ZNF766: variants seen among roughly 807,000 people sequenced by gnomAD.
ZNF766 encodes the protein zinc finger protein 766.
Under a neutral mutation model 13.2 loss-of-function variants are expected in ZNF766, and 13 were observed. That is an observed-to-expected ratio of 0.98 (90% CI 0.64 to 1.56). The LOEUF is 1.56. Among genes scored for constraint, ZNF766 ranks in the 40% most tolerant of loss-of-function variants. ZNF766 has a pLI of 0.00. For synonymous variants in ZNF766, 178 were observed against 187.6 expected (o/e 0.95, Z 0.42); for missense variants, 521 against 552.2 (o/e 0.94, Z 0.57).
chr19:52,281,383 G>T, intron 1 of ZNF766: 1 of 260,938 alleles, frequency 3.8e-6, no homozygotes, highest in Non-Finnish European at 7.6e-6. Flanking sequence ...GCCAGGTATG[G>T]TGGTGCGTGC....
chr19:52,286,188 T>TCCCCCCCCCCCCCCCCC (rs71254004), intron 3 of ZNF766, among the ~76,000 whole-genome samples: 1 of 146,562 alleles, frequency 6.8e-6, no homozygotes, highest in African/African-American at 2.7e-5. Flanking sequence ...AGTGGGCTTT[T>TCCCCCCCCCCCCCCCCC]CCCCCCTAAT....
chr19:52,282,888 A>T (rs904938745), intron 2 of ZNF766, among the ~76,000 whole-genome samples: 1 of 152,174 alleles, frequency 6.6e-6, no homozygotes, highest in Non-Finnish European at 1.5e-5. Context: ...TTCCCTACGC[A>T]TTCAGAAGCA....
chr19:52,291,153 T>G lies in ZNF766; in HGVS notation c.1362T>G (p.Phe454Leu). The G allele has an allele frequency of 1.2e-6, 2 of 1,605,932 alleles. No individual in the cohort carries two copies. Among genetic ancestry groups the G allele is most frequent in the East Asian group, 2.2e-5 (1 of 44,832 alleles). Residue 454 changes from phenylalanine (F) to leucine (L), a missense_variant, in exon 4 of 4, where the codon TTT becomes TTG. Transcript: ENST00000439461. ...AGGTCTTTAGGCACAGTTCATGGTT[T>G]GTACAGCATCAGAGAAGTGTTCATG... Reference protein sequence around the residue: ...CGKVFRHSSWFVQHQRSVHER... With the variant: ...CGKVFRHSSWLVQHQRSVHER...
chr19:52,281,929 G>A (rs1168812447), intron 1 of ZNF766, 182 bp from the exon 2 acceptor site: 1 of 709,936 alleles, frequency 1.4e-6, no homozygotes, highest in Admixed American at 2.4e-5. Flanking sequence ...AACTTTTTAT[G>A]GAAAAGTATA....
Position 52,290,503 on chromosome 19 carries a change from A to G in ZNF766, c.712A>G (p.Thr238Ala), listed in dbSNP as rs749818775. Residue 238 changes from threonine to alanine, a missense_variant, in exon 4 of 4, where the codon ACA becomes GCA. Coordinates refer to ENST00000439461, the MANE Select transcript of ZNF766 (RefSeq NM_001010851.3). ...SGLAEHWRIRTGEKPYKCKEC... is the reference protein window; with the variant it reads ...SGLAEHWRIRAGEKPYKCKEC... ...CCTCGCAGAACATTGGAGAATTCGTACAGGAGAGAAACCTTACAAATGTAA... is the reference window on the plus strand; with the variant it reads ...CCTCGCAGAACATTGGAGAATTCGTGCAGGAGAGAAACCTTACAAATGTAA... 1.2e-6 allele frequency: 2 copies of G among 1,614,154 alleles called. No individual in the cohort carries two copies. The highest frequency in any genetic ancestry group is 1.7e-5 in the Admixed American group (1 of 60,036).
At chr19:52,277,512 G>T in intron 1 of ZNF766, 4 of 1,577,340 alleles carry the variant, frequency 2.5e-6, no homozygotes, top group Non-Finnish European at 2.6e-6. Context: ...GAAGAGGAAA[G>T]CAGAGGAGTC....
At chr19:52,275,430 A>G (rs1981146310) in intron 1 of ZNF766, 1 of 152,220 alleles carries the variant, frequency 6.6e-6, no homozygotes, top group Admixed American at 6.5e-5. Context: ...AACAGTTGGA[A>G]TAAGTAAGCT....
Position 52,293,059 on chromosome 19 carries a change from T to C in ZNF766, c.*1861T>C, listed in dbSNP as rs1245871094. 6.6e-6 allele frequency: 1 copy of C among 151,930 alleles called. No individual in the cohort carries two copies. The highest frequency in any genetic ancestry group is 2.4e-5 in the African/African-American group (1 of 41,356). 9.4% of individuals were successfully genotyped at this position (151,930 alleles called of 1,614,324 possible). On this transcript the variant is annotated 3_prime_UTR_variant, in exon 4 of 4. Coordinates refer to ENST00000439461, the MANE Select transcript of ZNF766 (RefSeq NM_001010851.3). ...CAATTCCCACCTATGAGTGAGAACA[T>C]GGGGTGTTTGGTCTTCTGTCACTGT...
intron 1 of ZNF766, among the ~76,000 whole-genome samples, chr19:52,269,897 A>G (rs975052603): frequency 2.8e-4 from 43 of 152,060 alleles, no homozygotes; most frequent in Non-Finnish European, 8.8e-5. Flanking sequence ...GCCCCGCGCC[A>G]CGTAAAGTCC....
chr19:52,282,083 T>G, intron 1 of ZNF766, 28 bp from the exon 2 acceptor site: 2 of 1,587,010 alleles, frequency 1.3e-6, no homozygotes, highest in Non-Finnish European at 8.6e-7. Context: ...CTCCTTACCC[T>G]GTTGGTCAAA....
chr19:52,270,993 T>C (rs1980949890), intron 1 of ZNF766, among the ~76,000 whole-genome samples: 1 of 152,110 alleles, frequency 6.6e-6, no homozygotes, highest in Admixed American at 6.5e-5. Flanking sequence ...CGTGTTGGCC[T>C]GACGGGTCGT....
chr19:52,281,723 T>C (rs1981530299), intron 1 of ZNF766: 1 of 456,540 alleles, frequency 2.2e-6, no homozygotes, highest in Non-Finnish European at 4.5e-6. Flanking sequence ...CTTGATTCTT[T>C]AGGTTTGATT....
At position 52,277,413 on chromosome 19, in the gene ZNF766, C is replaced by G. The variant is rs923132142; in HGVS notation, c.19-4698C>G. The G allele has an allele frequency of 6.3e-5, 91 of 1,435,764 alleles. No homozygotes were observed. The Middle Eastern group carries it at 1.1e-3, about 17-fold the overall frequency. 88.9% of individuals were successfully genotyped at this position (1,435,764 alleles called of 1,614,324 possible). On this transcript the variant is annotated intron_variant, in intron 1 of 3. Coordinates refer to ENST00000439461, the MANE Select transcript of ZNF766 (RefSeq NM_001010851.3). ...GGCGGAGCTTGCAGTGAGCTGAGAT[C>G]GGGCCACGGCACTCCAGCCTGGGTG...
intron 2 of ZNF766, 74 bp downstream of exon 2, chr19:52,282,311 G>A: frequency 1.3e-6 from 2 of 1,496,572 alleles, no homozygotes; most frequent in Admixed American, 2.1e-5. Flanking sequence ...TGCCTCTTGG[G>A]AGCCCCTGCA....
chr19:52,282,007 C>T (rs566163188), intron 1 of ZNF766, 104 bp from the exon 2 acceptor site: 70 of 1,375,202 alleles, frequency 5.1e-5, no homozygotes, highest in African/African-American at 4.2e-4. Context: ...AGAATGTTCA[C>T]GTCAGCACTT....
chr19:52,290,384 T>C lies in ZNF766; in HGVS notation c.593T>C (p.Val198Ala). 1 of 1,613,936 alleles carries C rather than the reference T, an allele frequency of 6.2e-7. No individual in the cohort carries two copies. The highest frequency in any genetic ancestry group is 8.5e-7 in the Non-Finnish European group (1 of 1,180,016). ...AATGAGCAGGGCAAAGTCTTCAGAG[T>C]GTCTTCAAGCCTTCCTAATCATCAA... is the stretch of plus-strand genomic sequence containing the variant. The part of the protein sequence containing the change: ...ECNEQGKVFR[V>A]SSSLPNHQVI... Residue 198 changes from valine to alanine, a missense_variant, in exon 4 of 4, where the codon GTG becomes GCG. Physicochemically the swap from Val to Ala is moderately conservative, Grantham distance 64. Coordinates refer to ENST00000439461, the MANE Select transcript of ZNF766 (RefSeq NM_001010851.3).
intron 1 of ZNF766, among the ~76,000 whole-genome samples, chr19:52,276,803 T>G (rs985306840): frequency 1.3e-5 from 2 of 152,230 alleles, no homozygotes; most frequent in Non-Finnish European, 2.9e-5. Flanking sequence ...TTCTCATTTC[T>G]GAAGGCTGAG....
chr19:52,275,654 A>ATG (rs1981156293), intron 1 of ZNF766: 1 of 150,042 alleles, frequency 6.7e-6, no homozygotes, highest in Non-Finnish European at 1.5e-5. Flanking sequence ...CTTATACCAT[A>ATG]TGACTACTAT....
Position 52,294,132 on chromosome 19 carries a change from T to G in ZNF766, c.*2934T>G, listed in dbSNP as rs939847744. 1 of 152,194 alleles carries G rather than the reference T, an allele frequency of 6.6e-6. No homozygotes were observed. Among genetic ancestry groups the G allele is most frequent in the Admixed American group, 6.5e-5 (1 of 15,282 alleles). The allele number at this position is 152,194 out of a possible 1,614,324, so 9.4% of individuals were successfully genotyped here. A position where few individuals can be genotyped will look rare whatever the true frequency, so the allele number is the denominator to read the frequency against. Reference sequence around the variant, plus strand: ...AAGCGAAAATACAGATACAGTAATATGGAAAATAGGACAAAGTGTGGACTT... The same window carrying G: ...AAGCGAAAATACAGATACAGTAATAGGGAAAATAGGACAAAGTGTGGACTT... On this transcript the variant is annotated 3_prime_UTR_variant, in exon 4 of 4. Coordinates refer to ENST00000439461, the MANE Select transcript of ZNF766 (RefSeq NM_001010851.3).
Sources: allele counts gnomAD v4.1 joint callset (sites outside exome capture counted in the v4.1 genomes callset), GRCh38; gene constraint gnomAD v4.1.1; transcripts MANE v1.5; gene names NCBI Gene and HGNC (gene_info 2026-07-23, HGNC 2026-07-21).